The following TNFRSF10B variants were observed in gnomAD, a reference collection of about 807,000 sequenced individuals.
The protein encoded by TNFRSF10B is TNF receptor superfamily member 10b.
TNFRSF10B carries 35 observed loss-of-function variants against 41.4 expected under a neutral mutation model. The observed-to-expected ratio is 0.85, with a 90% CI of 0.65 to 1.12. TNFRSF10B has a LOEUF of 1.12. TNFRSF10B is among the 50% of genes most tolerant of loss of function. The pLI is 0.00. For missense variants in TNFRSF10B, 584 were observed against 552.7 expected, an observed-to-expected ratio of 1.06 and a Z score of -0.57; for synonymous variants, 230 against 215.5, an observed-to-expected ratio of 1.07 and a Z score of -0.59.
intron 1 of TNFRSF10B, among the ~76,000 whole-genome samples, chr8:23,059,932 G>C (rs1812784703): frequency 6.6e-6 from 1 of 152,138 alleles, no homozygotes; most frequent in Non-Finnish European, 1.5e-5. Flanking sequence ...TTGACCATTT[G>C]TATATTTGCT....
intron 1 of TNFRSF10B, among the ~76,000 whole-genome samples, chr8:23,065,822 GA>G (rs896265309): frequency 1.1e-4 from 17 of 149,400 alleles, no homozygotes; most frequent in South Asian, 4.2e-4. Context: ...TACTATGCAT[GA>G]AAAAAAAAGT....
chr8:23,024,046 G>T, intron 8 of TNFRSF10B, 142 bp downstream of exon 8: 1 of 978,470 alleles, frequency 1.0e-6, no homozygotes, highest in Non-Finnish European at 1.6e-6. Context: ...GACAGTTTAG[G>T]GTCCAGATGG....
At chr8:23,066,324 A>C (rs1812977724) in intron 1 of TNFRSF10B, among the ~76,000 whole-genome samples, 1 of 152,140 alleles carries the variant, frequency 6.6e-6, no homozygotes, top group Non-Finnish European at 1.5e-5. Context: ...TAGATGGAAG[A>C]TATTAAAAAT....
At chr8:23,066,898 A>AAAAC (rs148571903) in intron 1 of TNFRSF10B, among the ~76,000 whole-genome samples, 29 of 151,810 alleles carry the variant, frequency 1.9e-4, no homozygotes, top group African/African-American at 1.4e-4. Context: ...ACTCCATCTC[A>AAAAC]AAACAAACAA....
rs1812513179 is a variant in TNFRSF10B at position 23,051,239 on chromosome 8, AAATGCTTTTTCAAGTTTATGTG to A, written c.145-8018_145-7997del. ...TAACAGAAAAAAGGAAAGACTAGTCAAATGCTTTTTCAAGTTTATGTGACTTAAAATCTTTAATAAGTAAGCT... is the reference window on the plus strand; with the variant it reads ...TAACAGAAAAAAGGAAAGACTAGTCAACTTAAAATCTTTAATAAGTAAGCT... On this transcript the variant is annotated intron_variant, in intron 1 of 8. Transcript: ENST00000276431. Among the ~76,000 whole-genome samples the A allele has an allele frequency of 2.6e-5, 4 of 152,376 alleles. No homozygotes were observed. The South Asian group carries it at 8.3e-4, about 32-fold the overall frequency.
intron 1 of TNFRSF10B, chr8:23,068,469 A>C: frequency 1.9e-6 from 1 of 538,926 alleles, no homozygotes; most frequent in Non-Finnish European, 3.3e-6. Context: ...CCGTGGCTTC[A>C]CGCAGCTTAC....
At position 23,029,473 on chromosome 8, in the gene TNFRSF10B, C is replaced by A. The variant is rs979451141; in HGVS notation, c.476+137G>T. The A allele has an allele frequency of 3.2e-5, 26 of 807,206 alleles. No individual in the cohort carries two copies. The South Asian group carries it at 3.8e-4, about 12-fold the overall frequency. The allele number at this position is 807,206 out of a possible 1,614,324, so 50.0% of individuals were successfully genotyped here. ...TGCAGGGGGCAGGGGTGGTGACACG[C>A]AGAGGGACCAGGAGGGGCAGCCACA... On this transcript the variant is annotated intron_variant, in intron 4 of 8. Transcript: ENST00000276431.
Position 23,022,989 on chromosome 8 carries a change from T to C in TNFRSF10B, c.1010-5A>G. On this transcript the variant is annotated splice_region_variant and splice_polypyrimidine_tract_variant and intron_variant, in intron 8 of 8. Transcript: ENST00000276431. ...CATCGAAGCACTGTCTCAGAGCTGGTGGAGAAAGCCACAGAGACAGCCAGG... is the reference window on the plus strand; with the variant it reads ...CATCGAAGCACTGTCTCAGAGCTGGCGGAGAAAGCCACAGAGACAGCCAGG... 6.2e-7 allele frequency: 1 copy of C among 1,609,652 alleles called. No individual in the cohort carries two copies. Among genetic ancestry groups the C allele is most frequent in the Non-Finnish European group, 8.5e-7 (1 of 1,179,908 alleles).
chr8:23,043,084 C>T, intron 2 of TNFRSF10B, 54 bp downstream of exon 2: 2 of 1,520,926 alleles, frequency 1.3e-6, no homozygotes, highest in East Asian at 2.3e-5. Context: ...AGACTGGAAG[C>T]TCATGGAGAC....
At chr8:23,066,175 T>C (rs1396343117) in intron 1 of TNFRSF10B, among the ~76,000 whole-genome samples, 2 of 151,890 alleles carry the variant, frequency 1.3e-5, no homozygotes, top group Non-Finnish European at 2.9e-5. Context: ...CCCAGCTACT[T>C]GGGAGGCCGA....
At chr8:23,037,944 T>C (rs1042626579) in intron 2 of TNFRSF10B, among the ~76,000 whole-genome samples, 2 of 152,224 alleles carry the variant, frequency 1.3e-5, no homozygotes, top group Non-Finnish European at 2.9e-5. Flanking sequence ...GCTAGAGCTC[T>C]GAGTTTCAGA....
At chr8:23,033,638 A>G (rs1239523728) in intron 2 of TNFRSF10B, among the ~76,000 whole-genome samples, 1 of 147,112 alleles carries the variant, frequency 6.8e-6, no homozygotes, top group Non-Finnish European at 1.5e-5. Context: ...TGGAAAAGGT[A>G]ACTATTTAGG....
At chr8:23,048,826 G>A (rs765366311) in intron 1 of TNFRSF10B, among the ~76,000 whole-genome samples, 63 of 152,124 alleles carry the variant, frequency 4.1e-4, no homozygotes, top group African/African-American at 1.2e-3. Flanking sequence ...TTGAACGTTC[G>A]CCTGGGCTCA....
chr8:23,023,921 G>A (rs1176507801), intron 8 of TNFRSF10B, among the ~76,000 whole-genome samples: 8 of 152,138 alleles, frequency 5.3e-5, no homozygotes, highest in Non-Finnish European at 1.5e-5. Context: ...GCAGGCGGGG[G>A]CTACATCAGG....
intron 2 of TNFRSF10B, among the ~76,000 whole-genome samples, chr8:23,034,861 G>C (rs966375016): frequency 2.0e-5 from 3 of 152,268 alleles, no homozygotes; most frequent in Non-Finnish European, 4.4e-5. Flanking sequence ...GCCAAAGACA[G>C]ATGGATCTTG....
Position 23,027,308 on chromosome 8 carries a change from A to C in TNFRSF10B, c.781-20T>G. The C allele has an allele frequency of 6.2e-7, 1 of 1,613,894 alleles. No homozygotes were observed. Among genetic ancestry groups the C allele is most frequent in the Non-Finnish European group, 8.5e-7 (1 of 1,180,016 alleles). On this transcript the variant is annotated intron_variant, in intron 6 of 8. Coordinates refer to ENST00000276431, the MANE Select transcript of TNFRSF10B (RefSeq NM_003842.5). ...TGAGCTCTGGAAAAAGACATTGGGA[A>C]GGCAAAAAGCCGACTCAGGAGTCCA...
At chr8:23,060,708 G>C (rs1337360618) in intron 1 of TNFRSF10B, among the ~76,000 whole-genome samples, 1 of 152,104 alleles carries the variant, frequency 6.6e-6, no homozygotes. Flanking sequence ...AGATTACATT[G>C]AATGTATAGA....
chr8:23,045,060 C>CAAAAAAAAAAAAAAAA (rs35953846), intron 1 of TNFRSF10B, among the ~76,000 whole-genome samples: 1 of 38,808 alleles, frequency 2.6e-5, no homozygotes, highest in African/African-American at 1.1e-4. Context: ...TAATAAAATA[C>CAAAAAAAAAAAAAAAA]AAAAAAAAAA....
At chr8:23,060,748 C>G (rs1812809047) in intron 1 of TNFRSF10B, among the ~76,000 whole-genome samples, 5 of 152,118 alleles carry the variant, frequency 3.3e-5, no homozygotes, top group African/African-American at 1.2e-4. Flanking sequence ...CATAATTAGT[C>G]TTATAATTCA....
Sources: gnomAD v4.1 joint callset for allele counts (sites outside exome capture counted in the v4.1 genomes callset) on GRCh38, gnomAD v4.1.1 for gene constraint, MANE v1.5 for transcripts, NCBI Gene and HGNC (gene_info 2026-07-23, HGNC 2026-07-21) for gene names.